NDUFAF6: variants seen among roughly 807,000 people sequenced by gnomAD.
NDUFAF6 encodes NADH dehydrogenase (ubiquinone) complex I, assembly factor 6.
Under a neutral mutation model 40.8 loss-of-function variants are expected in NDUFAF6, and 45 were observed. That is an observed-to-expected ratio of 1.10 (90% CI 0.87 to 1.42). NDUFAF6 has a LOEUF of 1.42. Among genes scored for constraint, NDUFAF6 ranks in the 40% most tolerant of loss-of-function variants. The probability of loss-of-function intolerance (pLI) is 0.00; values close to 1 mark genes in which losing one functional copy is unlikely to be tolerated. For synonymous variants in NDUFAF6, 185 were observed against 155.9 expected (o/e 1.19, Z -1.39); for missense variants, 435 against 418.5 (o/e 1.04, Z -0.34).
downstream of NDUFAF6, among the ~76,000 whole-genome samples, chr8:95,117,479 A>G (rs756344034): frequency 1.1e-4 from 16 of 152,192 alleles, no homozygotes; most frequent in Non-Finnish European, 1.6e-4. Flanking sequence ...TGGTTGTACA[A>G]GTTAAATGTC....
intron 2 of NDUFAF6, among the ~76,000 whole-genome samples, chr8:95,005,553 A>ATATATATATATATATAT (rs60157067): frequency 8.0e-6 from 1 of 124,362 alleles, no homozygotes; most frequent in South Asian, 2.3e-4. Context: ...ATATATATAT[A>ATATATATATATATATAT]AAAAATATAT....
downstream of NDUFAF6, among the ~76,000 whole-genome samples, chr8:95,062,166 A>G (rs1242708166): frequency 6.6e-6 from 1 of 152,010 alleles, no homozygotes; most frequent in Admixed American, 6.6e-5. Context: ...CAAAAAAAAA[A>G]AAAAAAATTG....
chr8:95,025,615 C>T (rs1828018965), intron 1 of NDUFAF6, among the ~76,000 whole-genome samples: 1 of 152,114 alleles, frequency 6.6e-6, no homozygotes, highest in African/African-American at 2.4e-5. Context: ...CAAGTTGCGA[C>T]GGACAAATGT....
Position 95,047,067 on chromosome 8 carries a change from A to G in NDUFAF6, c.654A>G (p.Arg218=). The change falls in exon 6 of 9, where the codon AGA becomes AGG. Residue 218 remains arginine, a synonymous_variant. Transcript: ENST00000396124. The part of the protein sequence containing the change: ...GKAQGIVTCL[R]ATPYHGSRRK... ...CACAAGGCATTGTCACTTGCTTGAGAGCAACACCATATCATGGGAGCAGAA... is the reference window on the plus strand; with the variant it reads ...CACAAGGCATTGTCACTTGCTTGAGGGCAACACCATATCATGGGAGCAGAA... The G allele has an allele frequency of 6.2e-7, 1 of 1,614,206 alleles. No individual in the cohort carries two copies. Among genetic ancestry groups the G allele is most frequent in the East Asian group, 2.2e-5 (1 of 44,876 alleles).
At chr8:95,036,286 C>G (rs1829492515) in intron 3 of NDUFAF6, 4 of 1,276,590 alleles carry the variant, frequency 3.1e-6, no homozygotes, top group East Asian at 5.6e-5. Flanking sequence ...TGATCTGTGT[C>G]CCTGTTGTAA....
At chr8:95,032,871 AGTCTAATAGACTGGCTGTTTT>A (rs932052220) in intron 2 of NDUFAF6, among the ~76,000 whole-genome samples, 1 of 152,158 alleles carries the variant, frequency 6.6e-6, no homozygotes, top group Non-Finnish European at 1.5e-5. Context: ...GTCTGTAGAG[AGTCTAATAGACTGGCTGTTTT>A]TTCCTCTGGT....
downstream of NDUFAF6, among the ~76,000 whole-genome samples, chr8:95,079,353 TA>T (rs1808744846): frequency 6.6e-6 from 1 of 152,208 alleles, no homozygotes; most frequent in African/African-American, 2.4e-5. Context: ...TTGCAATACA[TA>T]AAAAACATTA....
At chr8:95,057,745 GT>G (rs33972988) in intron 8 of NDUFAF6, 63 bp from the exon 9 acceptor site, 50,788 of 951,174 alleles carry the variant, frequency 0.053, no homozygotes, top group Non-Finnish European at 0.059. Context: ...TCTTTAGTTA[GT>G]TTTTTTTTTT....
At chr8:94,947,015 C>G (rs1822077957) in intron 2 of NDUFAF6, among the ~76,000 whole-genome samples, 1 of 152,088 alleles carries the variant, frequency 6.6e-6, no homozygotes, top group Non-Finnish European at 1.5e-5. Context: ...TTACAGAATG[C>G]TTATTGTATG....
At chr8:94,999,902 T>C (rs781178376) in intron 2 of NDUFAF6, among the ~76,000 whole-genome samples, 26 of 152,154 alleles carry the variant, frequency 1.7e-4, no homozygotes, top group Non-Finnish European at 3.4e-4. Context: ...TTAGAAGATA[T>C]TGACAGGAAT....
chr8:95,042,905 A>G (rs940596212), intron 4 of NDUFAF6, among the ~76,000 whole-genome samples: 6 of 152,182 alleles, frequency 3.9e-5, no homozygotes, highest in African/African-American at 1.4e-4. Context: ...CTTTGCAACA[A>G]ATGGTGCTGG....
At chr8:94,980,101 C>T (rs1361869422) in intron 1 of NDUFAF6, among the ~76,000 whole-genome samples, 1 of 128,702 alleles carries the variant, frequency 7.8e-6, no homozygotes, top group Non-Finnish European at 1.7e-5. Flanking sequence ...TGTCTCAAAG[C>T]GAAAAAAAAA....
intron 2 of NDUFAF6, among the ~76,000 whole-genome samples, chr8:95,091,051 CAT>C (rs74382918): frequency 2.3e-5 from 1 of 44,278 alleles, no homozygotes. Context: ...TTAATAAACT[CAT>C]ATATATATAT....
chr8:95,057,784 G>A (rs1449782243), intron 8 of NDUFAF6, 25 bp from the exon 9 acceptor site: 7 of 1,568,754 alleles, frequency 4.5e-6, no homozygotes, highest in Non-Finnish European at 6.1e-6. Context: ...TTATGATCTG[G>A]TGATCACTAT....
chr8:94,919,629 T>C (rs1391246927), intron 1 of NDUFAF6, among the ~76,000 whole-genome samples: 1 of 152,158 alleles, frequency 6.6e-6, no homozygotes, highest in Non-Finnish European at 1.5e-5. Flanking sequence ...ACAGAGAGGA[T>C]GCTCCAAGCC....
At chr8:95,041,650 T>TA (rs1339364521) in intron 4 of NDUFAF6, 24 bp downstream of exon 4, 2 of 1,586,806 alleles carry the variant, frequency 1.3e-6, no homozygotes, top group Non-Finnish European at 1.7e-6. Context: ...GTTCAAGTCT[T>TA]AAGTTTTTTC....
intron 1 of NDUFAF6, among the ~76,000 whole-genome samples, chr8:94,933,024 C>T (rs1820578096): frequency 6.6e-6 from 1 of 151,912 alleles, no homozygotes; most frequent in African/African-American, 2.4e-5. Flanking sequence ...TGAGACCAGC[C>T]TGGCCAATAT....
chr8:94,949,102 G>C (rs1389864029), intron 2 of NDUFAF6: 1 of 148,074 alleles, frequency 6.8e-6, no homozygotes, highest in Non-Finnish European at 1.5e-5. Context: ...GGCCCCAACC[G>C]GCAGCGAGGC....
intron 2 of NDUFAF6, among the ~76,000 whole-genome samples, chr8:95,081,667 A>T (rs1382365354): frequency 6.6e-6 from 1 of 152,246 alleles, no homozygotes; most frequent in Non-Finnish European, 1.5e-5. Context: ...GAGAAATGAA[A>T]ATACTACATT....
Sources: gnomAD v4.1 joint callset for allele counts (sites outside exome capture counted in the v4.1 genomes callset) on GRCh38, gnomAD v4.1.1 for gene constraint, MANE v1.5 for transcripts, NCBI Gene and HGNC (gene_info 2026-07-23, HGNC 2026-07-21) for gene names.